The following NPAS2 variants were observed in gnomAD, a reference collection of about 807,000 sequenced individuals.
The protein encoded by NPAS2 is neuronal PAS domain-containing protein 2.
In NPAS2, 23 loss-of-function variants were observed where a neutral mutation model predicts 107.5. The observed-to-expected ratio is 0.21, with a 90% confidence interval of 0.15 to 0.30. The LOEUF (loss-of-function observed/expected upper bound fraction) is 0.30, where lower values mean the gene tolerates loss of function less well. Ranked by LOEUF, NPAS2 falls within the 10% of genes least tolerant of loss-of-function variation. The probability of loss-of-function intolerance (pLI) is 1.00; values close to 1 mark genes in which losing one functional copy is unlikely to be tolerated. For missense variants in NPAS2, 756 were observed against 1,043.3 expected (o/e 0.72, Z 3.79); for synonymous variants, 403 against 417.5 (o/e 0.97, Z 0.42).
At chr2:100,991,085 A>G (rs1678091611) in intron 19 of NPAS2, among the ~76,000 whole-genome samples, 1 of 152,198 alleles carries the variant, frequency 6.6e-6, no homozygotes, top group African/African-American at 2.4e-5. Context: ...CCATGCTTAC[A>G]GCAGCACTGA....
At chr2:100,840,932 G>A (rs970229929) in intron 1 of NPAS2, among the ~76,000 whole-genome samples, 5 of 152,070 alleles carry the variant, frequency 3.3e-5, no homozygotes, top group African/African-American at 1.2e-4. Context: ...CAGGCAGCTG[G>A]GGTTTGCATC....
intron 1 of NPAS2, among the ~76,000 whole-genome samples, chr2:100,847,672 A>G (rs1229998671): frequency 6.6e-6 from 1 of 152,176 alleles, no homozygotes; most frequent in Admixed American, 6.5e-5. Flanking sequence ...GCCTGGCCAT[A>G]AATACTTTTT....
At chr2:100,873,270 AAATACATATATATATAT>A (rs1273361606) in intron 1 of NPAS2, among the ~76,000 whole-genome samples, 266 of 61,908 alleles carry the variant, frequency 4.3e-3, no homozygotes, top group African/African-American at 0.021. Context: ...AAAAAAAAAA[AAATACATATATATATAT>A]ATATATATAT....
At position 100,996,399 on chromosome 2, in the gene NPAS2, G is replaced by A. The variant is rs186763080; in HGVS notation, c.*817G>A. 1 of 153,890 alleles carries A rather than the reference G, an allele frequency of 6.5e-6. No homozygotes were observed. Among genetic ancestry groups the A allele is most frequent in the East Asian group, 1.9e-4 (1 of 5,202 alleles). 9.5% of individuals were successfully genotyped at this position (153,890 alleles called of 1,614,324 possible). ...ATGCCAGCCAACATTCCAGAATTCT[G>A]CTGAGAACTCCAAGTCTGTGAGGGG... is the stretch of plus-strand genomic sequence containing the variant. On this transcript the variant is annotated 3_prime_UTR_variant, in exon 21 of 21. Coordinates refer to ENST00000335681, the MANE Select transcript of NPAS2 (RefSeq NM_002518.4).
rs529714014 is a variant in NPAS2 at position 100,830,593 on chromosome 2, T to C, written c.-23+10179T>C. Among the ~76,000 whole-genome samples the C allele has an allele frequency of 3.9e-5, 6 of 152,130 alleles. No individual in the cohort carries two copies. The East Asian group carries it at 7.8e-4, about 20-fold the overall frequency. ...CGGTGTTTGGTTTTCTGTCCTTGGA[T>C]AGTTTGCTCAGAATGATGGTTTCTA... On this transcript the variant is annotated intron_variant, in intron 1 of 20. Coordinates refer to ENST00000335681, the MANE Select transcript of NPAS2 (RefSeq NM_002518.4).
At position 100,965,421 on chromosome 2, in the gene NPAS2, C is replaced by T; in HGVS notation, c.801-239C>T. ...TTTTAATTACCCAGTAGTGATAAAG[C>T]TTATTGTTATTTGGGCCAAGTTATG... On this transcript the variant is annotated intron_variant, in intron 9 of 20. Coordinates refer to ENST00000335681, the MANE Select transcript of NPAS2 (RefSeq NM_002518.4). The surrounding 1 kb of genome is among the most constrained non-coding windows in gnomAD (Gnocchi z 4.3). Among the ~76,000 whole-genome samples, 1 of 152,002 alleles carries T rather than the reference C, an allele frequency of 6.6e-6. No homozygotes were observed. The highest frequency in any genetic ancestry group is 1.9e-4 in the East Asian group (1 of 5,196).
At chr2:100,920,103 G>C (rs1683129932) in intron 2 of NPAS2, among the ~76,000 whole-genome samples, 1 of 152,132 alleles carries the variant, frequency 6.6e-6, no homozygotes, top group Admixed American at 6.5e-5. Context: ...AATTGCCCTT[G>C]TCCAGAGAAC....
At chr2:100,887,253 G>A (rs903147176) in intron 1 of NPAS2, among the ~76,000 whole-genome samples, 10 of 152,184 alleles carry the variant, frequency 6.6e-5, no homozygotes, top group African/African-American at 1.9e-4. Flanking sequence ...CCCTCAAAGC[G>A]TTCCAGCTTC....
At chr2:100,923,759 G>C (rs1407687751) in intron 2 of NPAS2, among the ~76,000 whole-genome samples, 1 of 152,228 alleles carries the variant, frequency 6.6e-6, no homozygotes, top group African/African-American at 2.4e-5. Context: ...CTGGGGAGGA[G>C]TGAGCCAGCT....
At chr2:100,890,771 G>A (rs1681000397) in intron 1 of NPAS2, among the ~76,000 whole-genome samples, 1 of 152,120 alleles carries the variant, frequency 6.6e-6, no homozygotes, top group Non-Finnish European at 1.5e-5. Context: ...GGGTGTGAAG[G>A]AAGAGTGCTC....
chr2:100,875,946 C>A (rs72970050), intron 1 of NPAS2, among the ~76,000 whole-genome samples: 1 of 152,114 alleles, frequency 6.6e-6, no homozygotes, highest in African/African-American at 2.4e-5. Flanking sequence ...GGGTTAAAAC[C>A]GTGTGAAGTG....
chr2:100,912,094 T>C (rs75405459), intron 2 of NPAS2, among the ~76,000 whole-genome samples: 447 of 152,314 alleles, frequency 2.9e-3, no homozygotes, highest in Non-Finnish European at 5.3e-3. Flanking sequence ...CTATTTGGTA[T>C]ATTTCAGTTC....
At chr2:100,940,168 C>T (rs1674490501) in intron 5 of NPAS2, among the ~76,000 whole-genome samples, 2 of 152,186 alleles carry the variant, frequency 1.3e-5, no homozygotes, top group African/African-American at 2.4e-5. Context: ...GGCAGAGGAG[C>T]GGATCTGGGA....
intron 1 of NPAS2, among the ~76,000 whole-genome samples, chr2:100,876,804 G>A (rs919885640): frequency 2.0e-5 from 3 of 152,202 alleles, no homozygotes; most frequent in Admixed American, 2.0e-4. Flanking sequence ...AGGGAAGGCA[G>A]AGAGCACTCC....
rs1558947013 is a variant in NPAS2 at position 100,990,773 on chromosome 2, C to T, written c.2019-7C>T. 2 of 1,613,860 alleles carry T rather than the reference C, an allele frequency of 1.2e-6. No individual in the cohort carries two copies. The highest frequency in any genetic ancestry group is 8.5e-7 in the Non-Finnish European group (1 of 1,179,714). ...TCAGTTTCCTATTTCCCCACCTCTGCTTAAAGGCTGTTGCTGAGCCAGCCC... is the reference window on the plus strand; with the variant it reads ...TCAGTTTCCTATTTCCCCACCTCTGTTTAAAGGCTGTTGCTGAGCCAGCCC... On this transcript the variant is annotated splice_region_variant and splice_polypyrimidine_tract_variant and intron_variant, in intron 18 of 20. Transcript: ENST00000335681.
intron 2 of NPAS2, among the ~76,000 whole-genome samples, chr2:100,916,969 C>T (rs924505062): frequency 2.6e-5 from 4 of 152,038 alleles, no homozygotes; most frequent in Non-Finnish European, 5.9e-5. Flanking sequence ...AATATTTTAG[C>T]TAAATAAAAA....
At chr2:100,979,704 AT>A (rs1160433277) in intron 15 of NPAS2, among the ~76,000 whole-genome samples, 1 of 151,606 alleles carries the variant, frequency 6.6e-6, no homozygotes, top group African/African-American at 2.4e-5. Context: ...CTAATTTTGT[AT>A]TTTTTGTGGA....
intron 2 of NPAS2, among the ~76,000 whole-genome samples, chr2:100,917,397 G>A (rs528046352): frequency 4.1e-4 from 63 of 152,054 alleles, no homozygotes; most frequent in African/African-American, 1.2e-3. Context: ...GCGTGGTGGC[G>A]GGCACCTGTA....
Position 100,995,955 on chromosome 2 carries a change from C to G in NPAS2, c.*373C>G. ...CGGCCCGCCCATCTGCGCTAGCTGG[C>G]CTTCACGCTCTTGATCGTCTTTCCT... is the stretch of plus-strand genomic sequence containing the variant. On this transcript the variant is annotated 3_prime_UTR_variant, in exon 21 of 21. Transcript: ENST00000335681. 1 of 1,346,842 alleles carries G rather than the reference C, an allele frequency of 7.4e-7. No homozygotes were observed. The highest frequency in any genetic ancestry group is 9.7e-7 in the Non-Finnish European group (1 of 1,027,280). 83.4% of individuals were successfully genotyped at this position (1,346,842 alleles called of 1,614,324 possible). A position where few individuals can be genotyped will look rare whatever the true frequency, so the allele number is the denominator to read the frequency against.
Sources: allele counts gnomAD v4.1 joint callset (sites outside exome capture counted in the v4.1 genomes callset), GRCh38; gene constraint gnomAD v4.1.1; non-coding constraint Gnocchi (gnomAD v3.1); transcripts MANE v1.5; gene names NCBI Gene and HGNC (gene_info 2026-07-23, HGNC 2026-07-21).